ATF6: variants seen among roughly 807,000 people sequenced by gnomAD.
ATF6 encodes cyclic AMP-dependent transcription factor ATF-6 alpha.
A neutral mutation model predicts 83.6 loss-of-function variants in ATF6; 53 were observed. That is an observed-to-expected ratio of 0.63 (90% CI 0.51 to 0.80). The LOEUF (loss-of-function observed/expected upper bound fraction) is 0.80. Among genes scored for constraint, ATF6 ranks in the 30% least tolerant of loss-of-function variants. The pLI, the probability that ATF6 is intolerant of heterozygous loss-of-function variation, is 0.00. For missense variants in ATF6, 744 were observed against 797.9 expected, an observed-to-expected ratio of 0.93 and a Z score of 0.81; for synonymous variants, 288 against 285.8, an observed-to-expected ratio of 1.01 and a Z score of -0.08.
intron 11 of ATF6, 144 bp downstream of exon 11, chr1:161,851,979 C>A (rs999686924): frequency 4.2e-5 from 25 of 601,170 alleles, no homozygotes; most frequent in Middle Eastern, 2.7e-4. Flanking sequence ...TATTAGTTGT[C>A]CAGTTTCTCC....
At chr1:161,948,105 C>T (rs540153657) in intron 15 of ATF6, among the ~76,000 whole-genome samples, 1 of 152,144 alleles carries the variant, frequency 6.6e-6, no homozygotes, top group Admixed American at 6.5e-5. Flanking sequence ...TAAGCCATTC[C>T]TTTTGAGACT....
intron 15 of ATF6, among the ~76,000 whole-genome samples, chr1:161,945,574 G>T (rs934699376): frequency 5.3e-5 from 8 of 152,132 alleles, no homozygotes; most frequent in Non-Finnish European, 1.0e-4. Flanking sequence ...ACTTTTCACT[G>T]GGAGATAGTA....
chr1:161,916,060 G>A (rs1198353153), intron 15 of ATF6, among the ~76,000 whole-genome samples: 1 of 152,140 alleles, frequency 6.6e-6, no homozygotes, highest in African/African-American at 2.4e-5. Context: ...CTCTGATTCT[G>A]TCTTCTTTTC....
intron 9 of ATF6, among the ~76,000 whole-genome samples, chr1:161,841,183 G>C (rs1319954950): frequency 6.6e-6 from 1 of 152,152 alleles, no homozygotes; most frequent in Non-Finnish European, 1.5e-5. Flanking sequence ...TACAAGATCT[G>C]TCAAATTCCT....
intron 4 of ATF6, among the ~76,000 whole-genome samples, chr1:161,788,700 T>G (rs1306690695): frequency 6.6e-6 from 1 of 152,266 alleles, no homozygotes; most frequent in East Asian, 1.9e-4. Context: ...TTAATACTCT[T>G]AGACACCACT....
intron 7 of ATF6, among the ~76,000 whole-genome samples, chr1:161,809,848 AGTGTCTGTTCAT>A (rs1285184987): frequency 1.3e-5 from 2 of 152,142 alleles, no homozygotes; most frequent in Non-Finnish European, 2.9e-5. Context: ...TCTTTTGAGA[AGTGTCTGTTCAT>A]ATCTTTCGCC....
intron 14 of ATF6, among the ~76,000 whole-genome samples, chr1:161,902,889 G>A (rs1400532521): frequency 2.0e-5 from 3 of 152,166 alleles, no homozygotes; most frequent in Non-Finnish European, 4.4e-5. Flanking sequence ...AGGTGGCTAG[G>A]AAAGACCTCA....
chr1:161,785,315 T>C (rs1289447163), intron 4 of ATF6, among the ~76,000 whole-genome samples: 1 of 152,224 alleles, frequency 6.6e-6, no homozygotes, highest in Non-Finnish European at 1.5e-5. Flanking sequence ...CAAAAACTAC[T>C]TCCTTTATGA....
intron 6 of ATF6, among the ~76,000 whole-genome samples, chr1:161,793,632 A>G (rs1422376690): frequency 1.3e-5 from 2 of 152,234 alleles, no homozygotes; most frequent in Non-Finnish European, 2.9e-5. Flanking sequence ...CCCATAAGCT[A>G]TTAAAATACG....
At chr1:161,810,841 A>G (rs1297108418) in intron 7 of ATF6, among the ~76,000 whole-genome samples, 1 of 151,994 alleles carries the variant, frequency 6.6e-6, no homozygotes, top group East Asian at 1.9e-4. Context: ...GACATTTCAT[A>G]TGAGTGGAAT....
intron 3 of ATF6, among the ~76,000 whole-genome samples, chr1:161,782,497 A>G (rs1684657260): frequency 6.6e-6 from 1 of 152,230 alleles, no homozygotes; most frequent in Non-Finnish European, 1.5e-5. Flanking sequence ...CAGTGCTGGG[A>G]TACAGCTGAT....
At chr1:161,867,053 G>T (rs12725121) in intron 14 of ATF6, among the ~76,000 whole-genome samples, 8,185 of 151,840 alleles carry the variant, frequency 0.054, 298 homozygotes, top group African/African-American at 0.1. Flanking sequence ...CCAGCACGTT[G>T]GGAGGCCGAG....
Position 161,917,124 on chromosome 1 carries a change from G to A in ATF6, c.1804+4744G>A, listed in dbSNP as rs182906763. Among the ~76,000 whole-genome samples the A allele has an allele frequency of 3.7e-4, 57 of 152,270 alleles. 1 individual carries two copies. In the South Asian group the frequency reaches 4.4e-3, roughly 12 times the overall value. On this transcript the variant is annotated intron_variant, in intron 15 of 15. Transcript: ENST00000367942. ...GGTGTAGGAAACCTTGAAAGATGAG[G>A]CACTTTCATTTACATTAACTCATGT...
intron 15 of ATF6, among the ~76,000 whole-genome samples, chr1:161,924,571 A>ATTATTAATT (rs1398015008): frequency 6.6e-6 from 1 of 152,232 alleles, no homozygotes; most frequent in Non-Finnish European, 1.5e-5. Flanking sequence ...CTCTATATGT[A>ATTATTAATT]TTATTAATTT....
chr1:161,775,495 A>G (rs1274450459), intron 1 of ATF6, among the ~76,000 whole-genome samples: 1 of 152,078 alleles, frequency 6.6e-6, no homozygotes, highest in African/African-American at 2.4e-5. Context: ...CAACCTACCT[A>G]CCTACCTTCC....
At chr1:161,795,108 A>G (rs777936522) in intron 6 of ATF6, among the ~76,000 whole-genome samples, 3 of 152,176 alleles carry the variant, frequency 2.0e-5, no homozygotes, top group African/African-American at 4.8e-5. Flanking sequence ...CTCGGAGTCT[A>G]TGTGAATAAT....
Position 161,961,029 on chromosome 1 carries a change from A to T in ATF6, c.*2375A>T, listed in dbSNP as rs1312340689. On this transcript the variant is annotated 3_prime_UTR_variant, in exon 16 of 16. Transcript: ENST00000367942. ...TCCCTCCTCTCTGTGACAGAATCAC[A>T]GGAGAAGGACCCATCTCGTGGCCTT... 2.0e-5 allele frequency: 3 copies of T among 152,212 alleles called. No individual in the cohort carries two copies. The highest frequency in any genetic ancestry group is 2.9e-5 in the Non-Finnish European group (2 of 68,036). The allele number at this position is 152,212 out of a possible 1,614,324, so 9.4% of individuals were successfully genotyped here.
chr1:161,791,257 ATTAC>A (rs1176387115), intron 4 of ATF6, 147 bp from the exon 5 acceptor site: 2 of 474,622 alleles, frequency 4.2e-6, no homozygotes, highest in African/African-American at 2.0e-5. Context: ...ATAGTCACTT[ATTAC>A]TTAATATATA....
At chr1:161,955,387 G>A (rs1184726778) in intron 15 of ATF6, among the ~76,000 whole-genome samples, 2 of 152,152 alleles carry the variant, frequency 1.3e-5, no homozygotes, top group African/African-American at 4.8e-5. Context: ...TAAAGTAAAG[G>A]GTAGCAGGAG....
Sources: gnomAD v4.1 joint callset for allele counts (sites outside exome capture counted in the v4.1 genomes callset) on GRCh38, gnomAD v4.1.1 for gene constraint, MANE v1.5 for transcripts, NCBI Gene and HGNC (gene_info 2026-07-23, HGNC 2026-07-21) for gene names.